Variants in CHODL observed in about 807,000 individuals in gnomAD.
CHODL encodes chondrolectin.
In CHODL, 29 loss-of-function variants were observed where a neutral mutation model predicts 34.5. The observed-to-expected ratio is 0.84, with a 90% confidence interval of 0.63 to 1.15. The LOEUF is 1.15. Among genes scored for constraint, CHODL ranks in the 50% most tolerant of loss-of-function variants. The probability of loss-of-function intolerance (pLI) is 0.00; values close to 1 mark genes in which losing one functional copy is unlikely to be tolerated. For missense variants in CHODL, 332 were observed against 332.5 expected, an observed-to-expected ratio of 1.00 and a Z score of 0.01; for synonymous variants, 125 against 116.1, an observed-to-expected ratio of 1.08 and a Z score of -0.49.
chr21:17,944,213 G>A (rs995271318), intron 1 of CHODL, among the ~76,000 whole-genome samples: 1 of 152,104 alleles, frequency 6.6e-6, no homozygotes, highest in African/African-American at 2.4e-5. Context: ...CAGCAACTCT[G>A]CATAGCCAAA....
chr21:18,128,026 C>T (rs2072596849), intron 2 of CHODL, among the ~76,000 whole-genome samples: 1 of 151,684 alleles, frequency 6.6e-6, no homozygotes, highest in Non-Finnish European at 1.5e-5. Flanking sequence ...ACAGGCAGGG[C>T]GTATTGGCTC....
chr21:18,232,668 C>T (rs1286721210), intron 2 of CHODL, among the ~76,000 whole-genome samples: 1 of 151,808 alleles, frequency 6.6e-6, no homozygotes, highest in East Asian at 1.9e-4. Flanking sequence ...CTATATCTAA[C>T]CTTAAACCAT....
intron 1 of CHODL, among the ~76,000 whole-genome samples, chr21:17,927,208 G>GTATA (rs566915473): frequency 1.4e-5 from 2 of 144,148 alleles, no homozygotes; most frequent in Non-Finnish European, 3.0e-5. Context: ...ATGTGTGTGT[G>GTATA]TATATATATA....
intron 1 of CHODL, among the ~76,000 whole-genome samples, chr21:18,022,718 C>T (rs1011971025): frequency 5.3e-5 from 8 of 152,148 alleles, no homozygotes; most frequent in Non-Finnish European, 7.3e-5. Flanking sequence ...CACTCTTATT[C>T]CTTTATTCTT....
chr21:18,240,985 T>C (rs2074076518), upstream of CHODL, among the ~76,000 whole-genome samples: 1 of 152,172 alleles, frequency 6.6e-6, no homozygotes, highest in African/African-American at 2.4e-5. Context: ...GAAATTCCCC[T>C]AGACAGCCCT....
intron 2 of CHODL, among the ~76,000 whole-genome samples, chr21:18,214,449 A>T (rs932488445): frequency 2.6e-5 from 4 of 152,082 alleles, no homozygotes; most frequent in East Asian, 1.9e-4. Flanking sequence ...AATTCTTCCC[A>T]TACAGTACAC....
At chr21:18,147,561 A>G (rs1186895245) in intron 2 of CHODL, among the ~76,000 whole-genome samples, 2 of 152,228 alleles carry the variant, frequency 1.3e-5, no homozygotes, top group African/African-American at 4.8e-5. Context: ...GGAGTTCTCA[A>G]CTTTGTCATA....
Position 18,091,155 on chromosome 21 carries a change from G to T in CHODL, c.-45+63184G>T, listed in dbSNP as rs548759138. On this transcript the variant is annotated intron_variant, in intron 2 of 6. Coordinates refer to the CHODL transcript ENST00000400127. ...TCCCCACATACAGAGGGAACATTTG[G>T]ACCAGCCCTAGCTAGAGGTAATTGC... Among the ~76,000 whole-genome samples the T allele has an allele frequency of 2.6e-5, 4 of 152,334 alleles. No homozygotes were observed. The South Asian group carries it at 8.3e-4, about 32-fold the overall frequency.
chr21:18,220,284 G>A (rs1031000920), intron 2 of CHODL, among the ~76,000 whole-genome samples: 1 of 152,020 alleles, frequency 6.6e-6, no homozygotes, highest in African/African-American at 2.4e-5. Context: ...CATTCAGCCA[G>A]TGTACATCTT....
At chr21:18,099,531 A>C (rs1169620354) in intron 2 of CHODL, among the ~76,000 whole-genome samples, 4 of 151,992 alleles carry the variant, frequency 2.6e-5, no homozygotes, top group Non-Finnish European at 5.9e-5. Context: ...ATTCTTGTGA[A>C]GTTTCAGAAA....
chr21:18,149,875 G>A (rs1000315914), intron 2 of CHODL, among the ~76,000 whole-genome samples: 2 of 152,210 alleles, frequency 1.3e-5, no homozygotes, highest in Non-Finnish European at 1.5e-5. Context: ...TCAACAAAAA[G>A]AGTCAAACTC....
At chr21:18,092,558 T>A (rs1356145079) in intron 2 of CHODL, among the ~76,000 whole-genome samples, 2 of 152,160 alleles carry the variant, frequency 1.3e-5, no homozygotes, top group African/African-American at 4.8e-5. Context: ...AATAGCTGTG[T>A]TGAGGAAACT....
At chr21:17,975,303 G>C (rs2063652712) in intron 1 of CHODL, among the ~76,000 whole-genome samples, 1 of 152,112 alleles carries the variant, frequency 6.6e-6, no homozygotes, top group South Asian at 2.1e-4. Context: ...TGAAGGGCGG[G>C]AGGAGGGAGA....
intron 1 of CHODL, among the ~76,000 whole-genome samples, chr21:17,981,560 A>G (rs1406447099): frequency 1.3e-5 from 2 of 152,206 alleles, no homozygotes; most frequent in Non-Finnish European, 2.9e-5. Context: ...AAAAGAGCCA[A>G]CAGAAATAAG....
chr21:18,266,049 A>G lies in CHODL; in HGVS notation c.*11A>G. Reference sequence around the variant, plus strand: ...GGCATGGAAGTATAATAACTCATTGACTTGGTTCCAGAATTTTGTAATTCT... The same window carrying G: ...GGCATGGAAGTATAATAACTCATTGGCTTGGTTCCAGAATTTTGTAATTCT... On this transcript the variant is annotated 3_prime_UTR_variant, in exon 6 of 6. Transcript: ENST00000299295. 6.2e-7 allele frequency: 1 copy of G among 1,613,752 alleles called. No individual in the cohort carries two copies. The highest frequency in any genetic ancestry group is 8.5e-7 in the Non-Finnish European group (1 of 1,179,770).
intron 2 of CHODL, among the ~76,000 whole-genome samples, chr21:18,040,232 A>C (rs1338337424): frequency 6.6e-6 from 1 of 151,852 alleles, no homozygotes; most frequent in Admixed American, 6.6e-5. Context: ...TGTCCACTAC[A>C]TGTGGACAAT....
intron 1 of CHODL, among the ~76,000 whole-genome samples, chr21:18,021,627 A>G (rs2064128470): frequency 6.6e-6 from 1 of 152,218 alleles, no homozygotes; most frequent in African/African-American, 2.4e-5. Flanking sequence ...TATATTTTAT[A>G]TAGCTTAGCT....
intron 1 of CHODL, among the ~76,000 whole-genome samples, chr21:17,956,081 G>A (rs918607712): frequency 2.2e-5 from 3 of 136,452 alleles, no homozygotes; most frequent in African/African-American, 7.5e-5. Flanking sequence ...ATCTGATATA[G>A]TTTGAATATT....
At chr21:17,988,384 T>TCCC (rs1555847350) in intron 1 of CHODL, among the ~76,000 whole-genome samples, 55 of 146,494 alleles carry the variant, frequency 3.8e-4, no homozygotes, top group Non-Finnish European at 6.9e-4. Flanking sequence ...TTTTTTTTTT[T>TCCC]CCCTTTTTTC....
Sources: gnomAD v4.1 joint callset for allele counts (sites outside exome capture counted in the v4.1 genomes callset) on GRCh38, gnomAD v4.1.1 for gene constraint, MANE v1.5 for transcripts, NCBI Gene and HGNC (gene_info 2026-07-23, HGNC 2026-07-21) for gene names.